Variants in HIVEP3 observed in about 807,000 individuals in gnomAD.
HIVEP3 encodes HIVEP zinc finger 3.
Under a neutral mutation model 152.8 loss-of-function variants are expected in HIVEP3, and 49 were observed. The observed-to-expected ratio is 0.32, with a 90% confidence interval of 0.26 to 0.41. The LOEUF (loss-of-function observed/expected upper bound fraction) is 0.41. HIVEP3 is among the 10% of genes least tolerant of loss of function. HIVEP3 has a pLI of 1.00. For missense variants in HIVEP3, 2,790 were observed against 3,103.3 expected (o/e 0.90, Z 2.40); for synonymous variants, 1,269 against 1,289.0 (o/e 0.98, Z 0.33).
intron 1 of HIVEP3, among the ~76,000 whole-genome samples, chr1:41,897,531 G>C (rs1264855936): frequency 2.6e-5 from 4 of 152,174 alleles, no homozygotes; most frequent in Non-Finnish European, 4.4e-5. Flanking sequence ...GAATCTGCTG[G>C]TGCCTTGACC....
intron 1 of HIVEP3, among the ~76,000 whole-genome samples, chr1:41,810,500 G>A (rs549161164): frequency 6.6e-6 from 1 of 152,272 alleles, no homozygotes; most frequent in African/African-American, 2.4e-5. Flanking sequence ...CTAGTCCCTG[G>A]GACCTCCATC....
intron 2 of HIVEP3, among the ~76,000 whole-genome samples, chr1:41,647,703 C>G (rs969534389): frequency 6.6e-6 from 1 of 152,250 alleles, no homozygotes; most frequent in Non-Finnish European, 1.5e-5. Flanking sequence ...CATTTCCACA[C>G]CACTGTAGTG....
At chr1:41,597,237 G>A (rs1405216307) in intron 3 of HIVEP3, among the ~76,000 whole-genome samples, 1 of 152,160 alleles carries the variant, frequency 6.6e-6, no homozygotes, top group Non-Finnish European at 1.5e-5. Context: ...GGATCCAGGT[G>A]AAACTGATAT....
chr1:42,025,203 G>A (rs970806238), intron 1 of HIVEP3, among the ~76,000 whole-genome samples: 3 of 152,062 alleles, frequency 2.0e-5, no homozygotes, highest in African/African-American at 7.2e-5. Flanking sequence ...CACATTTTTT[G>A]TCTTTTTGTC....
chr1:41,730,899 G>A (rs929247119), intron 1 of HIVEP3, among the ~76,000 whole-genome samples: 3 of 152,140 alleles, frequency 2.0e-5, no homozygotes, highest in African/African-American at 7.2e-5. Flanking sequence ...GGCTTCCTGT[G>A]GGGGGTGAAT....
In HIVEP3 at chr1:41,609,908, C is replaced by T. The variant is rs377584853; in HGVS notation, c.-522+18841G>A. ...TGTTTCTGTGAAGGCATTTTTTAGA[C>T]AAGATTAACATTTGAATTGGTAAAC... On this transcript the variant is annotated intron_variant, in intron 3 of 8. Transcript: ENST00000372583. 1.7e-4 allele frequency among the ~76,000 whole-genome samples: 26 copies of T among 152,366 alleles called. No individual in the cohort carries two copies. The East Asian group carries it at 2.5e-3, about 15-fold the overall frequency.
chr1:42,015,391 T>C (rs1645516176), intron 1 of HIVEP3, among the ~76,000 whole-genome samples: 1 of 152,222 alleles, frequency 6.6e-6, no homozygotes, highest in Non-Finnish European at 1.5e-5. Context: ...CTTGCCTAAA[T>C]ACAGGGGCAT....
At chr1:41,723,003 T>A (rs1325358891) in intron 1 of HIVEP3, among the ~76,000 whole-genome samples, 1 of 152,114 alleles carries the variant, frequency 6.6e-6, no homozygotes, top group African/African-American at 2.4e-5. Context: ...TGAGGGTCCT[T>A]GCAAGTTGCT....
intron 1 of HIVEP3, among the ~76,000 whole-genome samples, chr1:41,912,165 G>A (rs994075124): frequency 5.3e-5 from 8 of 152,184 alleles, no homozygotes; most frequent in Non-Finnish European, 1.0e-4. Flanking sequence ...GAAATGTCCA[G>A]AAGATGGTAA....
chr1:41,733,481 A>G (rs1438298435), intron 1 of HIVEP3, among the ~76,000 whole-genome samples: 1 of 152,186 alleles, frequency 6.6e-6, no homozygotes, highest in African/African-American at 2.4e-5. Flanking sequence ...CTCTCCCTAT[A>G]TCCAAGAGGA....
chr1:41,882,789 G>A (rs370533374), intron 1 of HIVEP3, among the ~76,000 whole-genome samples: 3 of 152,290 alleles, frequency 2.0e-5, no homozygotes, highest in East Asian at 3.9e-4. Context: ...ACAGAGGAAG[G>A]AATGAAATAA....
chr1:41,639,911 C>T (rs990422588), intron 2 of HIVEP3, among the ~76,000 whole-genome samples: 2 of 152,154 alleles, frequency 1.3e-5, no homozygotes, highest in Admixed American at 6.5e-5. Context: ...TTGATAGCGA[C>T]AAGACCTGCT....
intron 1 of HIVEP3, among the ~76,000 whole-genome samples, chr1:41,996,126 G>A (rs1645394308): frequency 6.6e-6 from 1 of 152,048 alleles, no homozygotes; most frequent in African/African-American, 2.4e-5. Context: ...AGAGGCAGTG[G>A]CTCACACCTG....
At chr1:41,904,302 G>A (rs574996951) in intron 1 of HIVEP3, among the ~76,000 whole-genome samples, 30 of 152,202 alleles carry the variant, frequency 2.0e-4, no homozygotes, top group African/African-American at 5.8e-4. Flanking sequence ...TGGTGACCCC[G>A]GGCCAGTGAC....
intron 2 of HIVEP3, among the ~76,000 whole-genome samples, chr1:41,656,957 G>A (rs753731130): frequency 1.3e-5 from 2 of 152,178 alleles, no homozygotes; most frequent in Non-Finnish European, 2.9e-5. Flanking sequence ...CTCTGGGGAA[G>A]TAACCAGAAT....
chr1:41,791,952 C>G lies in HIVEP3; in HGVS notation c.-800-90957G>C, dbSNP rs77477336. On this transcript the variant is annotated intron_variant, in intron 1 of 8. Coordinates refer to ENST00000372583, the MANE Select transcript of HIVEP3 (RefSeq NM_024503.5). Reference sequence around the variant, plus strand: ...CCCTCCTCAGACCACCTGGGAACACCTGCTCAGCCTTCCAGACCCAGCTCA... The same window carrying G: ...CCCTCCTCAGACCACCTGGGAACACGTGCTCAGCCTTCCAGACCCAGCTCA... Among the ~76,000 whole-genome samples, 944 of 152,192 alleles carry G rather than the reference C, an allele frequency of 6.2e-3. 12 individuals are homozygous for G. Among genetic ancestry groups the G allele is most frequent in the African/African-American group, 0.021 (879 of 41,494 alleles).
At position 41,715,883 on chromosome 1, in the gene HIVEP3, C is replaced by T. The variant is rs143162039; in HGVS notation, c.-800-14888G>A. The stretch of plus-strand genomic sequence containing the variant: ...GCATTTCTCTATGTCAGGCCCAAAC[C>T]GAAAGCCACAGAGGAACTTGCACAT... On this transcript the variant is annotated intron_variant, in intron 1 of 8. Coordinates refer to ENST00000372583, the MANE Select transcript of HIVEP3 (RefSeq NM_024503.5). 1.7e-3 allele frequency among the ~76,000 whole-genome samples: 260 copies of T among 152,322 alleles called. 3 individuals are homozygous for T. Among genetic ancestry groups the T allele is most frequent in the African/African-American group, 5.8e-3 (243 of 41,568 alleles).
At chr1:41,557,455 A>G (rs1292303085) in intron 5 of HIVEP3, among the ~76,000 whole-genome samples, 1 of 152,168 alleles carries the variant, frequency 6.6e-6, no homozygotes, top group African/African-American at 2.4e-5. Context: ...AAAACACTGC[A>G]CTGGGCTTTG....
chr1:41,534,681 T>C (rs1281437938), intron 5 of HIVEP3, among the ~76,000 whole-genome samples: 1 of 152,200 alleles, frequency 6.6e-6, no homozygotes, highest in Non-Finnish European at 1.5e-5. Context: ...TAGCTGCACA[T>C]CAGAGAGACC....
Sources: gnomAD v4.1 joint callset for allele counts (sites outside exome capture counted in the v4.1 genomes callset) on GRCh38, gnomAD v4.1.1 for gene constraint, MANE v1.5 for transcripts, NCBI Gene and HGNC (gene_info 2026-07-23, HGNC 2026-07-21) for gene names.